Variants in TLK1 observed in about 807,000 individuals in gnomAD.
The protein encoded by TLK1 is tousled like kinase 1.
Under a neutral mutation model 105.3 loss-of-function variants are expected in TLK1, and 24 were observed. The observed-to-expected ratio is 0.23, with a 90% CI of 0.17 to 0.32. TLK1 has a LOEUF of 0.32. TLK1 is among the 10% of genes least tolerant of loss of function. The pLI is 1.00. For synonymous variants in TLK1, 321 were observed against 310.4 expected (o/e 1.03, Z -0.36); for missense variants, 558 against 910.5 (o/e 0.61, Z 4.98).
intron 1 of TLK1, among the ~76,000 whole-genome samples, chr2:171,218,183 G>A (rs907908513): frequency 6.6e-6 from 1 of 152,188 alleles, no homozygotes; most frequent in African/African-American, 2.4e-5. Context: ...AAACCCAGAG[G>A]CAGAGGTTGC....
At chr2:171,166,059 A>G (rs1692603823) in intron 1 of TLK1, among the ~76,000 whole-genome samples, 1 of 152,238 alleles carries the variant, frequency 6.6e-6, no homozygotes, top group Admixed American at 6.5e-5. Context: ...ACATGTTACA[A>G]TTGTAGCTTG....
At chr2:171,132,218 C>G (rs1273277910) in intron 1 of TLK1, among the ~76,000 whole-genome samples, 2 of 152,178 alleles carry the variant, frequency 1.3e-5, no homozygotes, top group Non-Finnish European at 2.9e-5. Flanking sequence ...TGAGTGCAAG[C>G]AGGAGAAATG....
Position 171,034,232 on chromosome 2 carries a change from C to A in TLK1, c.1170-5827G>T, listed in dbSNP as rs145138419. ...TTGAACAAGTTAAGATACAGAATTA[C>A]CATAATACTCAGTACTAGACAGATA... On this transcript the variant is annotated intron_variant, in intron 11 of 20. Coordinates refer to ENST00000431350, the MANE Select transcript of TLK1 (RefSeq NM_012290.5). Among the ~76,000 whole-genome samples, 470 of 152,138 alleles carry A rather than the reference C, an allele frequency of 3.1e-3. 4 individuals carry two copies. Among genetic ancestry groups the A allele is most frequent in the East Asian group, 7.7e-3 (40 of 5,176 alleles).
Position 171,160,115 on chromosome 2 carries a change from G to T in TLK1, c.139+175C>A, listed in dbSNP as rs1692404518. 6.6e-6 allele frequency among the ~76,000 whole-genome samples: 1 copy of T among 151,724 alleles called. No homozygotes were observed. The highest frequency in any genetic ancestry group is 1.5e-5 in the Non-Finnish European group (1 of 67,932). ...ACCCGCGAACCACCATCCACAGCCA[G>T]GGCACTACCTCCCCAGAGCCGGGGA... is the stretch of plus-strand genomic sequence containing the variant. On this transcript the variant is annotated intron_variant, in intron 1 of 20. Transcript: ENST00000431350. The surrounding 1 kb of genome is among the most constrained non-coding windows in gnomAD (Gnocchi z 4.4).
At chr2:171,123,639 C>T (rs973467114) in intron 1 of TLK1, among the ~76,000 whole-genome samples, 4 of 152,100 alleles carry the variant, frequency 2.6e-5, no homozygotes, top group Non-Finnish European at 2.9e-5. Flanking sequence ...GAGACCCTGT[C>T]TCTACAAAAA....
intron 3 of TLK1, among the ~76,000 whole-genome samples, chr2:171,075,303 A>G (rs1688450022): frequency 6.6e-6 from 1 of 152,182 alleles, no homozygotes; most frequent in East Asian, 1.9e-4. Context: ...ACATATCCAT[A>G]TAATTTAAAA....
At chr2:171,124,803 A>G (rs1172947891) in intron 1 of TLK1, among the ~76,000 whole-genome samples, 1 of 152,198 alleles carries the variant, frequency 6.6e-6, no homozygotes, top group African/African-American at 2.4e-5. Flanking sequence ...CTTTGAAAAT[A>G]TTCTTGCCTG....
At chr2:171,096,150 A>G (rs1001211800) in intron 2 of TLK1, among the ~76,000 whole-genome samples, 1 of 152,234 alleles carries the variant, frequency 6.6e-6, no homozygotes, top group Non-Finnish European at 1.5e-5. Flanking sequence ...CCAAGAAACT[A>G]TTGGAGTCAG....
intron 11 of TLK1, among the ~76,000 whole-genome samples, chr2:171,037,125 C>A (rs1450035375): frequency 6.6e-6 from 1 of 151,848 alleles, no homozygotes; most frequent in Non-Finnish European, 1.5e-5. Flanking sequence ...AGCAGGAGGC[C>A]AGGAAGAAGA....
chr2:171,160,562 G>T lies in TLK1; in HGVS notation c.-134C>A. 1 of 1,474,372 alleles carries T rather than the reference G, an allele frequency of 6.8e-7. No homozygotes were observed. The highest frequency in any genetic ancestry group is 9.1e-7 in the Non-Finnish European group (1 of 1,098,702). The allele number at this position is 1,474,372 out of a possible 1,614,324, so 91.3% of individuals were successfully genotyped here. ...GCGAGGGCTGGGAGGGGAGAGTCAAGGGGATGGGGGAGGAAACCGAGAAGA... is the reference window on the plus strand; with the variant it reads ...GCGAGGGCTGGGAGGGGAGAGTCAATGGGATGGGGGAGGAAACCGAGAAGA... On this transcript the variant is annotated 5_prime_UTR_variant, in exon 1 of 21. Coordinates refer to ENST00000431350, the MANE Select transcript of TLK1 (RefSeq NM_012290.5). This position sits in a 1 kb window ranked among gnomAD's most constrained non-coding sequence, Gnocchi z 4.4.
At chr2:171,067,265 T>C (rs183243219) in intron 3 of TLK1, among the ~76,000 whole-genome samples, 10 of 151,650 alleles carry the variant, frequency 6.6e-5, no homozygotes, top group Admixed American at 2.0e-4. Flanking sequence ...GTTCATGCTA[T>C]TCTCCTGCCT....
chr2:171,223,427 C>T (rs1457620942), intron 1 of TLK1, among the ~76,000 whole-genome samples: 1 of 150,504 alleles, frequency 6.6e-6, no homozygotes, highest in African/African-American at 2.4e-5. Context: ...CTTTCACATA[C>T]CTGTTGGCCA....
chr2:171,046,937 CTT>C (rs1686990484), intron 10 of TLK1, among the ~76,000 whole-genome samples: 1 of 151,948 alleles, frequency 6.6e-6, no homozygotes, highest in Non-Finnish European at 1.5e-5. Flanking sequence ...TCTAAATCTA[CTT>C]TTGTTAAAAA....
intron 8 of TLK1, among the ~76,000 whole-genome samples, chr2:171,053,273 T>C (rs911966990): frequency 3.3e-5 from 5 of 152,190 alleles, no homozygotes; most frequent in African/African-American, 1.2e-4. Flanking sequence ...TCCCAATTTA[T>C]TGAAGATCTA....
chr2:171,014,411 G>A (rs1265008564), intron 13 of TLK1, among the ~76,000 whole-genome samples: 3 of 151,870 alleles, frequency 2.0e-5, no homozygotes, highest in Non-Finnish European at 2.9e-5. Flanking sequence ...ATGTTGACAA[G>A]GCTGGTTTTG....
At chr2:171,210,848 A>G (rs1693600422) in intron 1 of TLK1, among the ~76,000 whole-genome samples, 9 of 152,226 alleles carry the variant, frequency 5.9e-5, no homozygotes, top group Admixed American at 5.2e-4. Flanking sequence ...AACTGATAAC[A>G]GGATCTAGGC....
In TLK1 at chr2:170,993,141, AC is replaced by A. The variant is rs1240149769; in HGVS notation, c.*638del. 1 of 152,646 alleles carries A rather than the reference AC, an allele frequency of 6.6e-6. No homozygotes were observed. Among genetic ancestry groups the A allele is most frequent in the African/African-American group, 2.4e-5 (1 of 41,448 alleles). 9.5% of individuals were successfully genotyped at this position (152,646 alleles called of 1,614,324 possible). On this transcript the variant is annotated 3_prime_UTR_variant, in exon 21 of 21. Coordinates refer to ENST00000431350, the MANE Select transcript of TLK1 (RefSeq NM_012290.5). ...AAATAATAGCTCTCCCTTTAATATA[AC>A]CAGTGAAAGAAAACGGACATGTGAT...
chr2:171,091,543 A>C (rs913093881), intron 2 of TLK1: 4 of 152,210 alleles, frequency 2.6e-5, no homozygotes, highest in Non-Finnish European at 5.9e-5. Context: ...GTAGGACTGG[A>C]AATCAACCTG....
chr2:171,112,167 T>C (rs1690204699), intron 2 of TLK1, among the ~76,000 whole-genome samples: 1 of 152,142 alleles, frequency 6.6e-6, no homozygotes, highest in South Asian at 2.1e-4. Flanking sequence ...GGCCAGGCTG[T>C]TCTCAAACTC....
Sources: gnomAD v4.1 joint callset for allele counts (sites outside exome capture counted in the v4.1 genomes callset) on GRCh38, gnomAD v4.1.1 for gene constraint, Gnocchi (gnomAD v3.1) non-coding constraint, MANE v1.5 for transcripts, NCBI Gene and HGNC (gene_info 2026-07-23, HGNC 2026-07-21) for gene names.